The following ADAM18 variants were observed in gnomAD, a reference collection of about 807,000 sequenced individuals.
The protein encoded by ADAM18 is disintegrin and metalloproteinase domain-containing protein 18.
Under a neutral mutation model 94.4 loss-of-function variants are expected in ADAM18, and 117 were observed. That is an observed-to-expected ratio of 1.24 (90% CI 1.07 to 1.45). The LOEUF is 1.45. Ranked by LOEUF, ADAM18 falls within the 40% of genes most tolerant of loss-of-function variation. The pLI is 0.00. For synonymous variants in ADAM18, 327 were observed against 291.6 expected (o/e 1.12, Z -1.24); for missense variants, 936 against 880.0 (o/e 1.06, Z -0.81).
At chr8:39,648,699 A>G (rs1457751749) in intron 12 of ADAM18, among the ~76,000 whole-genome samples, 172 bp downstream of exon 12, 1 of 152,196 alleles carries the variant, frequency 6.6e-6, no homozygotes, top group Non-Finnish European at 1.5e-5. Context: ...ACAACTCTTA[A>G]ACTGAGAAGG....
At position 39,590,153 on chromosome 8, in the gene ADAM18, T is replaced by C. The variant is rs1490027340; in HGVS notation, c.132+4801T>C. 3.3e-5 allele frequency among the ~76,000 whole-genome samples: 5 copies of C among 151,712 alleles called. 1 individual carries two copies. The South Asian group carries it at 6.3e-4, about 19-fold the overall frequency. ...ATGCACACGTATGTTTATTGTGGCA[T>C]TATTCACAATAGCAAAGACTTGGAA... On this transcript the variant is annotated intron_variant, in intron 2 of 19. Transcript: ENST00000265707.
intron 14 of ADAM18, among the ~76,000 whole-genome samples, chr8:39,675,516 C>T (rs1264079778): frequency 6.6e-6 from 1 of 152,138 alleles, no homozygotes; most frequent in Non-Finnish European, 1.5e-5. Context: ...TCTAGTTAGC[C>T]ATTCATCTAA....
intron 18 of ADAM18, among the ~76,000 whole-genome samples, chr8:39,711,500 G>A (rs1331427972): frequency 6.6e-6 from 1 of 151,880 alleles, no homozygotes; most frequent in African/African-American, 2.4e-5. Flanking sequence ...CATGGACAGA[G>A]AACTAAAGAA....
At chr8:39,720,774 T>C (rs1054358973) in intron 18 of ADAM18, among the ~76,000 whole-genome samples, 2 of 151,346 alleles carry the variant, frequency 1.3e-5, no homozygotes, top group Admixed American at 1.3e-4. Flanking sequence ...CATTTACTAC[T>C]AATAGGAATA....
At chr8:39,652,707 G>T (rs1379638308) in intron 12 of ADAM18, among the ~76,000 whole-genome samples, 1 of 152,168 alleles carries the variant, frequency 6.6e-6, no homozygotes, top group Non-Finnish European at 1.5e-5. Flanking sequence ...GGAAACAATA[G>T]CAGTATGTTG....
chr8:39,653,514 A>T (rs1336859498), intron 12 of ADAM18, among the ~76,000 whole-genome samples: 1 of 152,206 alleles, frequency 6.6e-6, no homozygotes, highest in Admixed American at 6.5e-5. Context: ...AAAAGAAATC[A>T]CATCCATAAT....
intron 12 of ADAM18, 55 bp downstream of exon 12, chr8:39,648,582 A>ATGTTTTATC: frequency 6.8e-7 from 1 of 1,470,186 alleles, no homozygotes; most frequent in Non-Finnish European, 9.2e-7. Context: ...GATAAAACAT[A>ATGTTTTATC]AGACATGTTT....
intron 14 of ADAM18, among the ~76,000 whole-genome samples, chr8:39,674,448 G>A (rs934963216): frequency 2.0e-5 from 3 of 152,048 alleles, no homozygotes; most frequent in African/African-American, 7.2e-5. Context: ...TGCAACCCCT[G>A]CTTTTTTTTG....
intron 11 of ADAM18, among the ~76,000 whole-genome samples, chr8:39,648,009 G>A (rs934151265): frequency 1.3e-5 from 2 of 152,144 alleles, no homozygotes; most frequent in African/African-American, 2.4e-5. Flanking sequence ...AAGGAAGAAA[G>A]CTTGAACTAT....
intron 18 of ADAM18, among the ~76,000 whole-genome samples, chr8:39,716,423 A>G (rs1050210202): frequency 2.0e-5 from 3 of 151,784 alleles, no homozygotes; most frequent in African/African-American, 7.3e-5. Context: ...GTCTTGAGGT[A>G]TTTGTTTCCA....
intron 6 of ADAM18, among the ~76,000 whole-genome samples, chr8:39,617,468 C>T (rs905392031): frequency 6.6e-6 from 1 of 152,066 alleles, no homozygotes. Flanking sequence ...ATCATTCGAC[C>T]CAGCAACTCC....
intron 19 of ADAM18, 129 bp downstream of exon 19, chr8:39,724,036 C>A: frequency 1.5e-6 from 1 of 657,362 alleles, no homozygotes; most frequent in Non-Finnish European, 2.2e-6. Flanking sequence ...TAAGTGGTAT[C>A]TTTATAATTT....
Position 39,683,734 on chromosome 8 carries a change from A to G in ADAM18, c.1821+3508A>G, listed in dbSNP as rs572710370. Among the ~76,000 whole-genome samples, 12 of 152,280 alleles carry G rather than the reference A, an allele frequency of 7.9e-5. No individual in the cohort carries two copies. In the South Asian group the frequency reaches 2.1e-3, roughly 26 times the overall value. ...AAGTATCTGATCATGTCTTTAGCCT[A>G]TTTTTAATCAGATTGTCTTTTTTAA... On this transcript the variant is annotated intron_variant, in intron 16 of 19. Transcript: ENST00000265707.
chr8:39,627,593 C>G (rs1224854185), intron 6 of ADAM18, among the ~76,000 whole-genome samples: 2 of 152,082 alleles, frequency 1.3e-5, no homozygotes, highest in African/African-American at 4.8e-5. Context: ...TGCCTTGAAT[C>G]TATAAGAATC....
chr8:39,626,942 T>C (rs1819786031), intron 6 of ADAM18, among the ~76,000 whole-genome samples: 1 of 152,134 alleles, frequency 6.6e-6, no homozygotes, highest in Non-Finnish European at 1.5e-5. Context: ...AAGTCCTATG[T>C]TTCTTTGTTG....
chr8:39,723,583 T>C (rs1462501850), intron 18 of ADAM18, among the ~76,000 whole-genome samples, 165 bp from the exon 19 acceptor site: 1 of 151,716 alleles, frequency 6.6e-6, no homozygotes. Flanking sequence ...AGAAAATCTA[T>C]GAAAAATATA....
intron 17 of ADAM18, among the ~76,000 whole-genome samples, chr8:39,698,008 A>G (rs1821972620): frequency 6.6e-6 from 1 of 151,790 alleles, no homozygotes; most frequent in African/African-American, 2.4e-5. Context: ...TTAAATCATT[A>G]CTTAATTTTG....
intron 7 of ADAM18, among the ~76,000 whole-genome samples, chr8:39,632,082 A>C (rs1819945702): frequency 6.6e-6 from 1 of 151,924 alleles, no homozygotes. Context: ...TTCTATGTAC[A>C]CAATCATATT....
At chr8:39,721,164 A>G (rs1051904891) in intron 18 of ADAM18, among the ~76,000 whole-genome samples, 2 of 151,518 alleles carry the variant, frequency 1.3e-5, no homozygotes, top group African/African-American at 4.8e-5. Context: ...AAATCTGTCA[A>G]AAATGATCCA....
Sources: gnomAD v4.1 joint callset for allele counts (sites outside exome capture counted in the v4.1 genomes callset) on GRCh38, gnomAD v4.1.1 for gene constraint, MANE v1.5 for transcripts, NCBI Gene and HGNC (gene_info 2026-07-23, HGNC 2026-07-21) for gene names.